PELI2: variants seen among roughly 807,000 people sequenced by gnomAD.
PELI2 encodes E3 ubiquitin-protein ligase pellino homolog 2.
A neutral mutation model predicts 42.3 loss-of-function variants in PELI2; 23 were observed. The observed-to-expected ratio is 0.54, with a 90% CI of 0.39 to 0.77. The LOEUF (loss-of-function observed/expected upper bound fraction) is 0.77, where lower values mean the gene tolerates loss of function less well. Among genes scored for constraint, PELI2 ranks in the 30% least tolerant of loss-of-function variants. The pLI is 0.00. For missense variants in PELI2, 463 were observed against 553.2 expected (o/e 0.84, Z 1.64); for synonymous variants, 245 against 212.2 (o/e 1.15, Z -1.34).
At chr14:56,240,169 T>C (rs1011191780) in intron 2 of PELI2, among the ~76,000 whole-genome samples, 2 of 152,124 alleles carry the variant, frequency 1.3e-5, no homozygotes, top group African/African-American at 4.8e-5. Context: ...CAGGGATGTG[T>C]GACACGATCA....
At chr14:56,185,035 C>A (rs771299271) in intron 2 of PELI2, among the ~76,000 whole-genome samples, 8 of 151,462 alleles carry the variant, frequency 5.3e-5, no homozygotes, top group Non-Finnish European at 1.2e-4. Flanking sequence ...GAATATTTTA[C>A]AATTTTTTAT....
At chr14:56,158,108 A>G (rs1009012395) in intron 1 of PELI2, among the ~76,000 whole-genome samples, 1 of 152,008 alleles carries the variant, frequency 6.6e-6, no homozygotes, top group Non-Finnish European at 1.5e-5. Context: ...GCTCACTGCA[A>G]CCTCCACCTC....
chr14:56,146,195 A>G (rs1318316178), intron 1 of PELI2, among the ~76,000 whole-genome samples: 2 of 152,196 alleles, frequency 1.3e-5, no homozygotes, highest in Non-Finnish European at 2.9e-5. Flanking sequence ...TGTGGAGTGC[A>G]GTATGATTTC....
intron 2 of PELI2, among the ~76,000 whole-genome samples, chr14:56,222,950 C>T (rs1049861138): frequency 1.3e-5 from 2 of 152,144 alleles, no homozygotes; most frequent in Admixed American, 6.5e-5. Context: ...GAAGGGAACA[C>T]GTACAGGACA....
At chr14:56,146,188 G>A (rs1309872572) in intron 1 of PELI2, among the ~76,000 whole-genome samples, 4 of 152,130 alleles carry the variant, frequency 2.6e-5, no homozygotes, top group Non-Finnish European at 5.9e-5. Context: ...TGGTTCTTGT[G>A]GAGTGCAGTA....
At chr14:56,165,304 A>T (rs1424370035) in intron 1 of PELI2, among the ~76,000 whole-genome samples, 1 of 152,096 alleles carries the variant, frequency 6.6e-6, no homozygotes, top group African/African-American at 2.4e-5. Context: ...TCAGTAGCAT[A>T]TTGTTTAATT....
intron 2 of PELI2, among the ~76,000 whole-genome samples, chr14:56,271,278 A>G (rs1219225868): frequency 2.0e-5 from 3 of 152,202 alleles, no homozygotes; most frequent in African/African-American, 4.8e-5. Context: ...CCATAAACAT[A>G]AATATCAGAA....
rs2139897055 is a variant in PELI2 at position 56,290,279 on chromosome 14, A to G, written c.519A>G (p.Ala173=). 6.3e-7 allele frequency: 1 copy of G among 1,592,606 alleles called. No homozygotes were observed. Among genetic ancestry groups the G allele is most frequent in the South Asian group, 1.1e-5 (1 of 89,104 alleles). ...TGTGTTCTCTCCAGGAAAAGGCAGC[A>G]AAGTGGAAAAACCCCGACGGCCACA... ...SKNIFLGEKA[A]KWKNPDGHMD... is the part of the protein sequence containing the mutation. The change falls in exon 5 of 6, where the codon GCA becomes GCG. Residue 173 remains alanine (A), a synonymous_variant. Coordinates refer to ENST00000267460, the MANE Select transcript of PELI2 (RefSeq NM_021255.3).
intron 1 of PELI2, among the ~76,000 whole-genome samples, chr14:56,161,763 A>G (rs1215151640): frequency 6.6e-6 from 1 of 152,192 alleles, no homozygotes; most frequent in Non-Finnish European, 1.5e-5. Context: ...TTAAGCAGCT[A>G]CTTGGAGCAA....
chr14:56,195,486 C>T (rs985007935), intron 2 of PELI2, among the ~76,000 whole-genome samples: 4 of 152,190 alleles, frequency 2.6e-5, no homozygotes, highest in Non-Finnish European at 2.9e-5. Context: ...ATCTGTCCAC[C>T]GAGGCAGTTC....
intron 2 of PELI2, among the ~76,000 whole-genome samples, chr14:56,216,126 A>G (rs979209957): frequency 1.3e-5 from 2 of 152,208 alleles, no homozygotes; most frequent in Non-Finnish European, 2.9e-5. Context: ...AATACAAAAA[A>G]CTTCATGCAG....
chr14:56,195,705 AC>A (rs1886106390), intron 2 of PELI2, among the ~76,000 whole-genome samples: 1 of 152,218 alleles, frequency 6.6e-6, no homozygotes, highest in African/African-American at 2.4e-5. Flanking sequence ...AAACTTTCCC[AC>A]CTTGGCTGTG....
intron 1 of PELI2, among the ~76,000 whole-genome samples, chr14:56,155,121 C>T (rs531479416): frequency 3.3e-5 from 5 of 152,156 alleles, no homozygotes; most frequent in African/African-American, 7.2e-5. Context: ...ATTAAAGACA[C>T]GAGGCTTTTG....
At chr14:56,187,258 A>G (rs1183886076) in intron 2 of PELI2, among the ~76,000 whole-genome samples, 1 of 152,202 alleles carries the variant, frequency 6.6e-6, no homozygotes, top group Non-Finnish European at 1.5e-5. Flanking sequence ...TCTCCAAACT[A>G]GAATGCTGCA....
intron 3 of PELI2, among the ~76,000 whole-genome samples, chr14:56,287,445 G>A (rs2139890510): frequency 6.6e-6 from 1 of 152,270 alleles, no homozygotes; most frequent in African/African-American, 2.4e-5. Flanking sequence ...TAGCAGAGAG[G>A]AGATTTTGCA....
chr14:56,143,421 G>T lies in PELI2; in HGVS notation c.77+24684G>T, dbSNP rs114711088. ...TGTAATTGATAAATATCTTGGGGGA[G>T]ACACGTTGAGATGAATTTTCATGTT... On this transcript the variant is annotated intron_variant, in intron 1 of 5. Transcript: ENST00000267460. 3.9e-3 allele frequency among the ~76,000 whole-genome samples: 596 copies of T among 152,318 alleles called. 2 individuals are homozygous for T. The highest frequency in any genetic ancestry group is 0.013 in the African/African-American group (552 of 41,566).
intron 2 of PELI2, among the ~76,000 whole-genome samples, chr14:56,222,559 A>G (rs1270507830): frequency 6.6e-6 from 1 of 152,264 alleles, no homozygotes; most frequent in Non-Finnish European, 1.5e-5. Flanking sequence ...ATGCCTTAAA[A>G]TGAAAAAAGT....
chr14:56,280,288 T>C (rs945856922), intron 3 of PELI2, among the ~76,000 whole-genome samples: 3 of 152,052 alleles, frequency 2.0e-5, no homozygotes, highest in Non-Finnish European at 4.4e-5. Flanking sequence ...AAGTTCTTTT[T>C]TGACAAAGTA....
chr14:56,274,368 A>T (rs887090232), intron 2 of PELI2, among the ~76,000 whole-genome samples: 1 of 152,192 alleles, frequency 6.6e-6, no homozygotes, highest in African/African-American at 2.4e-5. Context: ...TAGTTTCTCT[A>T]TTGGCTTTCA....
Sources: gnomAD v4.1 joint callset for allele counts (sites outside exome capture counted in the v4.1 genomes callset) on GRCh38, gnomAD v4.1.1 for gene constraint, MANE v1.5 for transcripts, NCBI Gene and HGNC (gene_info 2026-07-23, HGNC 2026-07-21) for gene names.